EXOC4: variants seen among roughly 807,000 people sequenced by gnomAD.
EXOC4 encodes exocyst complex component 4, also known as SEC8-like 1.
In EXOC4, 71 loss-of-function variants were observed where a neutral mutation model predicts 107.2. That is an observed-to-expected ratio of 0.66 (90% CI 0.55 to 0.81). The LOEUF (loss-of-function observed/expected upper bound fraction) is 0.81. EXOC4 is among the 30% of genes least tolerant of loss of function. EXOC4 has a pLI of 0.00. For synonymous variants in EXOC4, 456 were observed against 441.2 expected (o/e 1.03, Z -0.42); for missense variants, 1,108 against 1,189.6 (o/e 0.93, Z 1.01).
At chr7:133,945,755 T>C (rs1363195482) in intron 14 of EXOC4, among the ~76,000 whole-genome samples, 2 of 152,208 alleles carry the variant, frequency 1.3e-5, no homozygotes, top group Admixed American at 1.3e-4. Context: ...GCATTCCCGA[T>C]GGTGACTTAA....
At chr7:133,384,839 CT>C (rs777266436) in intron 7 of EXOC4, among the ~76,000 whole-genome samples, 4 of 141,722 alleles carry the variant, frequency 2.8e-5, no homozygotes, top group Admixed American at 7.4e-5. Flanking sequence ...ATGCCAAATT[CT>C]TCAGAAACTT....
At chr7:134,000,949 A>G (rs536524742) in intron 15 of EXOC4, among the ~76,000 whole-genome samples, 2 of 152,274 alleles carry the variant, frequency 1.3e-5, no homozygotes, top group African/African-American at 4.8e-5. Flanking sequence ...TTTCTTTGAC[A>G]TTGTTAAAAT....
intron 10 of EXOC4, among the ~76,000 whole-genome samples, chr7:133,767,381 G>A (rs562015670): frequency 1.3e-4 from 20 of 151,860 alleles, no homozygotes; most frequent in Admixed American, 5.3e-4. Flanking sequence ...GTGAAATGAC[G>A]TAACATATGT....
chr7:133,598,178 C>T (rs1304386133), intron 9 of EXOC4, among the ~76,000 whole-genome samples: 4 of 152,182 alleles, frequency 2.6e-5, no homozygotes, highest in African/African-American at 7.2e-5. Context: ...CCTTACCTAA[C>T]TACAAGGGAG....
chr7:133,857,391 A>C (rs1798439156), intron 11 of EXOC4, among the ~76,000 whole-genome samples: 1 of 108,320 alleles, frequency 9.2e-6, no homozygotes, highest in African/African-American at 3.5e-5. Context: ...ACCTCCCTGG[A>C]TGATTGTCTT....
chr7:134,098,788 TGA>T, the EXOC4 span, among the ~76,000 whole-genome samples: 1 of 152,180 alleles, frequency 6.6e-6, no homozygotes, highest in African/African-American at 2.4e-5. Flanking sequence ...CCAAGAGAGA[TGA>T]GACATGGGTG....
chr7:133,923,083 T>C (rs1470343431), intron 13 of EXOC4, among the ~76,000 whole-genome samples: 1 of 151,832 alleles, frequency 6.6e-6, no homozygotes, highest in Non-Finnish European at 1.5e-5. Flanking sequence ...TGAGTGTTAG[T>C]ATACACTGCC....
intron 10 of EXOC4, among the ~76,000 whole-genome samples, chr7:133,709,652 T>C (rs915284296): frequency 6.8e-5 from 10 of 146,416 alleles, no homozygotes; most frequent in Admixed American, 3.3e-4. Context: ...TTTCTTTTTT[T>C]TTTTTTTTTT....
At chr7:133,532,500 T>C (rs957608305) in intron 9 of EXOC4, among the ~76,000 whole-genome samples, 15 of 152,090 alleles carry the variant, frequency 9.9e-5, no homozygotes, top group African/African-American at 3.6e-4. Flanking sequence ...AAGTGGTTTT[T>C]ATATATGGAG....
chr7:133,878,611 A>G (rs968256694), intron 11 of EXOC4, among the ~76,000 whole-genome samples: 12 of 152,016 alleles, frequency 7.9e-5, no homozygotes, highest in African/African-American at 2.9e-4. Flanking sequence ...TAATCCCTCC[A>G]TTGTGTAGTT....
chr7:133,672,484 AGTGGTTACTTATT>A (rs1183934056), intron 10 of EXOC4, among the ~76,000 whole-genome samples: 22 of 152,006 alleles, frequency 1.4e-4, no homozygotes, highest in Non-Finnish European at 5.9e-5. Flanking sequence ...ATATGTGTGT[AGTGGTTACTTATT>A]GCTTGGCATG....
chr7:133,379,427 ATAAAAT>A (rs1283758724), intron 7 of EXOC4, among the ~76,000 whole-genome samples: 1 of 152,112 alleles, frequency 6.6e-6, no homozygotes, highest in Non-Finnish European at 1.5e-5. Flanking sequence ...CACTTTAAAC[ATAAAAT>A]TAAATGTATG....
intron 12 of EXOC4, among the ~76,000 whole-genome samples, chr7:133,916,593 A>G (rs1008574536): frequency 1.3e-5 from 2 of 152,162 alleles, no homozygotes; most frequent in African/African-American, 4.8e-5. Context: ...TTTTGTCTAC[A>G]AACATTAATT....
At chr7:133,719,046 C>T (rs1795053429) in intron 10 of EXOC4, among the ~76,000 whole-genome samples, 2 of 152,298 alleles carry the variant, frequency 1.3e-5, no homozygotes, top group Non-Finnish European at 2.9e-5. Flanking sequence ...GTAACTCCCA[C>T]AATTCCTATG....
At chr7:133,409,872 A>G (rs1797317646) in intron 7 of EXOC4, among the ~76,000 whole-genome samples, 1 of 152,204 alleles carries the variant, frequency 6.6e-6, no homozygotes, top group Non-Finnish European at 1.5e-5. Context: ...TCTTTCTTAT[A>G]AGGGAAAGCT....
intron 5 of EXOC4, among the ~76,000 whole-genome samples, chr7:133,323,377 A>G (rs1180759029): frequency 6.6e-6 from 1 of 152,120 alleles, no homozygotes; most frequent in East Asian, 1.9e-4. Context: ...CTATTTTGAG[A>G]TATGTTCCAT....
At chr7:133,288,346 A>G (rs1794328502) in intron 2 of EXOC4, among the ~76,000 whole-genome samples, 1 of 152,132 alleles carries the variant, frequency 6.6e-6, no homozygotes, top group Admixed American at 6.5e-5. Flanking sequence ...TTAATATCTA[A>G]TATTCAGAAT....
chr7:133,734,131 A>C (rs927995289), intron 10 of EXOC4, among the ~76,000 whole-genome samples: 4 of 152,360 alleles, frequency 2.6e-5, no homozygotes, highest in African/African-American at 9.6e-5. Context: ...CGCCTCTGGC[A>C]GATCAAATTT....
At chr7:133,986,756 A>G (rs1282388741) in intron 14 of EXOC4, among the ~76,000 whole-genome samples, 1 of 152,228 alleles carries the variant, frequency 6.6e-6, no homozygotes. Context: ...AATTCAAGGC[A>G]ATAAATAAAA....
Sources: allele counts gnomAD v4.1 joint callset (sites outside exome capture counted in the v4.1 genomes callset), GRCh38; gene constraint gnomAD v4.1.1; transcripts MANE v1.5; gene names NCBI Gene and HGNC (gene_info 2026-07-23, HGNC 2026-07-21).